MROH2A: variants seen among roughly 807,000 people sequenced by gnomAD.
MROH2A encodes maestro heat-like repeat-containing protein family member 2A.
Under a neutral mutation model 200.4 loss-of-function variants are expected in MROH2A, and 174 were observed. The ratio of observed to expected loss-of-function variants is 0.87; its 90% CI spans 0.77 to 0.98. The LOEUF (loss-of-function observed/expected upper bound fraction) is 0.98. Ranked by LOEUF, MROH2A falls within the 50% of genes least tolerant of loss-of-function variation. The pLI is 0.00. For missense variants in MROH2A, 2,045 were observed against 2,139.6 expected (o/e 0.96, Z 0.87); for synonymous variants, 829 against 840.4 (o/e 0.99, Z 0.23).
In MROH2A at chr2:233,828,802, C is replaced by A. The variant is rs1048540197; in HGVS notation, c.4263+23C>A. ...AAGGTACTGTGCCTGGCCCTGGGCC[C>A]AGGTCCCGGGAGCTGAGGGTGCAGG... On this transcript the variant is annotated intron_variant, in intron 36 of 41. Coordinates refer to ENST00000389758, the MANE Select transcript of MROH2A (RefSeq NM_001394639.1). The surrounding 1 kb of genome is among the most constrained non-coding windows in gnomAD (Gnocchi z 4.6). 1 of 1,549,110 alleles carries A rather than the reference C, an allele frequency of 6.5e-7. No individual in the cohort carries two copies. Among genetic ancestry groups the A allele is most frequent in the African/African-American group, 1.4e-5 (1 of 72,996 alleles).
At chr2:233,787,921 T>C (rs369475550) in intron 3 of MROH2A, among the ~76,000 whole-genome samples, 33 of 35,670 alleles carry the variant, frequency 9.3e-4, no homozygotes, top group African/African-American at 1.6e-3. Flanking sequence ...ATTATATATA[T>C]ACATATATAT....
chr2:233,802,540 C>G (rs897029268), intron 15 of MROH2A: 2 of 485,764 alleles, frequency 4.1e-6, no homozygotes. Context: ...GCTCACTCCT[C>G]ATGTCCTGTC....
At position 233,829,780 on chromosome 2, in the gene MROH2A, G is replaced by A. The variant is rs1391495995; in HGVS notation, c.4602+5G>A. ...CCCTGCTCCAATGCAGCCCAAGTAA[G>A]ATACATCCTGGGCTTTGTGTCCCAG... On this transcript the variant is annotated splice_donor_5th_base_variant and intron_variant, in intron 38 of 41. Coordinates refer to ENST00000389758, the MANE Select transcript of MROH2A (RefSeq NM_001394639.1). 1 of 1,353,690 alleles carries A rather than the reference G, an allele frequency of 7.4e-7. No individual in the cohort carries two copies. The highest frequency in any genetic ancestry group is 3.1e-5 in the East Asian group (1 of 32,690). The allele number at this position is 1,353,690 out of a possible 1,614,324, so 83.9% of individuals were successfully genotyped here.
chr2:233,778,556 T>A, intron 1 of MROH2A, 75 bp downstream of exon 1: 1 of 168,276 alleles, frequency 5.9e-6, no homozygotes, highest in Middle Eastern at 5.6e-4. Context: ...TAAAGGGCCA[T>A]GGGATGGATC....
At chr2:233,787,585 A>AATATATATTATATATAT (rs766177844) in intron 3 of MROH2A, among the ~76,000 whole-genome samples, 9 of 36,216 alleles carry the variant, frequency 2.5e-4, no homozygotes, top group Non-Finnish European at 3.3e-4. Flanking sequence ...TATCATATAT[A>AATATATATTATATATAT]CATATATATA....
At chr2:233,797,283 T>C (rs1368334655) in intron 11 of MROH2A, among the ~76,000 whole-genome samples, 1 of 152,236 alleles carries the variant, frequency 6.6e-6, no homozygotes, top group Non-Finnish European at 1.5e-5. Flanking sequence ...GACCAACATT[T>C]GCACTCAACA....
In MROH2A at chr2:233,792,908, T is replaced by C; in HGVS notation, c.670+14T>C. 1 of 1,550,346 alleles carries C rather than the reference T, an allele frequency of 6.5e-7. No homozygotes were observed. The highest frequency in any genetic ancestry group is 8.7e-7 in the Non-Finnish European group (1 of 1,146,966). On this transcript the variant is annotated intron_variant, in intron 6 of 41. Coordinates refer to ENST00000389758, the MANE Select transcript of MROH2A (RefSeq NM_001394639.1). ...CGATCTGCAGTGGTGAGTGTCCCAC[T>C]TGAGCCTGCAGGTCTGGCTCGATCA...
chr2:233,799,880 C>A lies in MROH2A; in HGVS notation c.1430C>A (p.Thr477Asn). 1 of 1,550,558 alleles carries A rather than the reference C, an allele frequency of 6.4e-7. No homozygotes were observed. The highest frequency in any genetic ancestry group is 1.4e-5 in the African/African-American group (1 of 73,134). The stretch of plus-strand genomic sequence containing the variant: ...CTGAAGTACCTGTCTGTGCAGCTGA[C>A]CTTATCCACCTACAAACTGGTGAGT... ...WGLKYLSVQL[T>N]LSTYKLTNRR... The change falls in exon 13 of 42, where the codon ACC becomes AAC. Residue 477 changes from threonine to asparagine, a missense_variant. Thr to Asn is a moderately conservative substitution (Grantham distance 65). Coordinates refer to ENST00000389758, the MANE Select transcript of MROH2A (RefSeq NM_001394639.1).
At chr2:233,825,567 G>A (rs1704246193) in intron 35 of MROH2A, among the ~76,000 whole-genome samples, 1 of 152,160 alleles carries the variant, frequency 6.6e-6, no homozygotes, top group African/African-American at 2.4e-5. Context: ...TGCACCTATT[G>A]AGATAATCAT....
chr2:233,783,066 C>T (rs1701024417), intron 3 of MROH2A, among the ~76,000 whole-genome samples: 1 of 152,032 alleles, frequency 6.6e-6, no homozygotes, highest in African/African-American at 2.4e-5. Flanking sequence ...GGGATGAATC[C>T]CACTTGATCA....
Position 233,807,746 on chromosome 2 carries a change from G to A in MROH2A, c.2186G>A (p.Cys729Tyr), listed in dbSNP as rs1375006610. 1 of 1,550,596 alleles carries A rather than the reference G, an allele frequency of 6.4e-7. No homozygotes were observed. Among genetic ancestry groups the A allele is most frequent in the Non-Finnish European group, 8.7e-7 (1 of 1,147,032 alleles). Residue 729 changes from cysteine (C) to tyrosine (Y), a missense_variant, in exon 21 of 42, where the codon TGC becomes TAC. Cys to Tyr is a radical substitution (Grantham distance 194). Coordinates refer to ENST00000389758, the MANE Select transcript of MROH2A (RefSeq NM_001394639.1). The surrounding 1 kb of genome is among the most constrained non-coding windows in gnomAD (Gnocchi z 4.3). ...NDFDSEGVIM[C>Y]FGLCARGQVK... Reference sequence around the variant, plus strand: ...GTCTCCCTGCAGGGTGTGATTATGTGCTTTGGCCTGTGTGCCCGGGGCCAG... The same window carrying A: ...GTCTCCCTGCAGGGTGTGATTATGTACTTTGGCCTGTGTGCCCGGGGCCAG...
At chr2:233,809,873 CA>C (rs1331316723) in intron 22 of MROH2A, among the ~76,000 whole-genome samples, 2 of 151,048 alleles carry the variant, frequency 1.3e-5, no homozygotes, top group Non-Finnish European at 2.9e-5. Context: ...TTTACAAAAC[CA>C]AAATCCTATA....
At position 233,820,004 on chromosome 2, in the gene MROH2A, C is replaced by T; in HGVS notation, c.3460C>T (p.His1154Tyr). 1 of 1,546,002 alleles carries T rather than the reference C, an allele frequency of 6.5e-7. No individual in the cohort carries two copies. ...IDGILLLAHH[H>Y]QETILTSLLR... Reference sequence around the variant, plus strand: ...CGGCATCCTGCTGCTGGCGCACCACCACCAGGAGACCATCCTCACATCGCT... The same window carrying T: ...CGGCATCCTGCTGCTGGCGCACCACTACCAGGAGACCATCCTCACATCGCT... The change falls in exon 31 of 42, where the codon CAC becomes TAC. Residue 1154 changes from histidine (H) to tyrosine (Y), a missense_variant. Around this residue, in one of 3 missense-constraint regions of MROH2A, gnomAD observed 1,201 missense variants for 1,311.3 expected, o/e 0.92. Transcript: ENST00000389758. This position sits in a 1 kb window ranked among gnomAD's most constrained non-coding sequence, Gnocchi z 4.1.
chr2:233,825,695 A>G (rs1423519748), intron 35 of MROH2A, among the ~76,000 whole-genome samples: 1 of 152,050 alleles, frequency 6.6e-6, no homozygotes, highest in East Asian at 1.9e-4. Flanking sequence ...GAGCTTTTTG[A>G]TATGCTGCTG....
intron 23 of MROH2A, 110 bp downstream of exon 23, chr2:233,811,026 C>T: frequency 1.6e-6 from 2 of 1,247,898 alleles, no homozygotes; most frequent in Non-Finnish European, 2.2e-6. Context: ...TCTCTGAAGT[C>T]CTTCCCTGTC....
intron 25 of MROH2A, 58 bp downstream of exon 25, chr2:233,813,836 A>C: frequency 1.1e-6 from 1 of 948,806 alleles, no homozygotes; most frequent in Non-Finnish European, 1.6e-6. Context: ...TAACATTAAC[A>C]TGGGCCATGC....
chr2:233,832,286 A>C lies in MROH2A; in HGVS notation c.4837+7A>C. 1 of 1,549,622 alleles carries C rather than the reference A, an allele frequency of 6.5e-7. No individual in the cohort carries two copies. The highest frequency in any genetic ancestry group is 8.7e-7 in the Non-Finnish European group (1 of 1,146,340). ...GCTGCTTGCAACTTGGCAGGTGAGC[A>C]GAGAGACGTCTCCTGACTCAAGATA... On this transcript the variant is annotated splice_region_variant and intron_variant, in intron 40 of 41. Coordinates refer to ENST00000389758, the MANE Select transcript of MROH2A (RefSeq NM_001394639.1).
chr2:233,826,895 A>G (rs1704348811), intron 35 of MROH2A, among the ~76,000 whole-genome samples: 1 of 152,226 alleles, frequency 6.6e-6, no homozygotes, highest in African/African-American at 2.4e-5. Flanking sequence ...AAACAATCCT[A>G]TTAGAAAGTG....
chr2:233,798,118 A>G lies in MROH2A; in HGVS notation c.1253-656A>G, dbSNP rs559003589. 5.3e-5 allele frequency among the ~76,000 whole-genome samples: 8 copies of G among 152,026 alleles called. No homozygotes were observed. In the South Asian group the frequency reaches 6.2e-4, roughly 12 times the overall value. ...AGTATCATCCTGGATGTCTAACTCT[A>G]CCTCCATCCACACCAGCCCTCTCCA... On this transcript the variant is annotated intron_variant, in intron 11 of 41. Transcript: ENST00000389758.
Sources: gnomAD v4.1 joint callset for allele counts (sites outside exome capture counted in the v4.1 genomes callset) on GRCh38, gnomAD v4.1.1 for gene constraint, gnomAD v4.1.1 regional missense constraint, Gnocchi (gnomAD v3.1) non-coding constraint, MANE v1.5 for transcripts, NCBI Gene and HGNC (gene_info 2026-07-23, HGNC 2026-07-21) for gene names.